Variants in MDH1 observed in about 807,000 individuals in gnomAD.
MDH1 encodes the protein malate dehydrogenase, cytoplasmic.
A neutral mutation model predicts 38.7 loss-of-function variants in MDH1; 15 were observed. The ratio of observed to expected loss-of-function variants is 0.39; its 90% confidence interval spans 0.26 to 0.60. The LOEUF (loss-of-function observed/expected upper bound fraction) is 0.60, where lower values mean the gene tolerates loss of function less well. MDH1 is among the 20% of genes least tolerant of loss of function. The pLI, the probability that MDH1 is intolerant of heterozygous loss-of-function variation, is 0.56. For missense variants in MDH1, 368 were observed against 405.2 expected, an observed-to-expected ratio of 0.91 and a Z score of 0.79; for synonymous variants, 144 against 143.6, an observed-to-expected ratio of 1.00 and a Z score of -0.02.
At chr2:63,604,567 T>C in intron 5 of MDH1, 129 bp from the exon 6 acceptor site, 1 of 731,322 alleles carries the variant, frequency 1.4e-6, no homozygotes, top group Admixed American at 3.0e-5. Context: ...TACAAGTCAA[T>C]ATAACTCTTG....
intron 1 of MDH1, among the ~76,000 whole-genome samples, chr2:63,591,207 A>T (rs2106595733): frequency 6.6e-6 from 1 of 152,374 alleles, no homozygotes; most frequent in Non-Finnish European, 1.5e-5. Flanking sequence ...AGCAAAGAAT[A>T]GTAACCTATG....
intron 1 of MDH1, chr2:63,593,386 C>T: frequency 2.7e-6 from 1 of 364,786 alleles, no homozygotes. Context: ...GAGCCACCAT[C>T]CCTGGCCTGA....
chr2:63,604,261 C>T (rs1709485151), intron 5 of MDH1, among the ~76,000 whole-genome samples: 1 of 151,732 alleles, frequency 6.6e-6, no homozygotes, highest in Non-Finnish European at 1.5e-5. Flanking sequence ...AAAAATTTTA[C>T]CTAAATATAA....
At chr2:63,594,663 C>A in intron 2 of MDH1, 77 bp downstream of exon 2, 1 of 1,037,478 alleles carries the variant, frequency 9.6e-7, no homozygotes, top group Non-Finnish European at 1.5e-6. Flanking sequence ...TAGTTGTACA[C>A]AAATTGTTAA....
intron 1 of MDH1, among the ~76,000 whole-genome samples, chr2:63,591,480 CTG>C (rs1300649197): frequency 6.6e-6 from 1 of 152,200 alleles, no homozygotes; most frequent in African/African-American, 2.4e-5. Flanking sequence ...TCACTAAGGA[CTG>C]TGATACTGTG....
At chr2:63,604,060 T>TA (rs1428975079) in intron 5 of MDH1, among the ~76,000 whole-genome samples, 1 of 152,156 alleles carries the variant, frequency 6.6e-6, no homozygotes, top group African/African-American at 2.4e-5. Flanking sequence ...TAGAGATTGT[T>TA]ACATATGTTA....
Position 63,588,986 on chromosome 2 carries a change from A to T in MDH1, c.-58A>T. On this transcript the variant is annotated 5_prime_UTR_variant, in exon 1 of 9. Transcript: ENST00000233114. ...CCGAGTCAGTTCCGCGGTAGAGGTG[A>T]CCTGACTCTCTGAGGCTCATTTTGC... 1 of 1,613,866 alleles carries T rather than the reference A, an allele frequency of 6.2e-7. No homozygotes were observed. Among genetic ancestry groups the T allele is most frequent in the Non-Finnish European group, 8.5e-7 (1 of 1,179,758 alleles).
At chr2:63,606,455 C>G (rs764551420) in intron 8 of MDH1, among the ~76,000 whole-genome samples, 16 of 152,146 alleles carry the variant, frequency 1.1e-4, no homozygotes, top group Non-Finnish European at 1.9e-4. Flanking sequence ...AGCTTTAAAA[C>G]TATATGTATT....
chr2:63,589,126 G>A (rs1172637029), intron 1 of MDH1, 80 bp downstream of exon 1: 2 of 1,614,018 alleles, frequency 1.2e-6, no homozygotes, highest in Non-Finnish European at 1.7e-6. Flanking sequence ...AGGGACTTTT[G>A]GGAGGCAGCT....
At chr2:63,594,763 C>G in intron 2 of MDH1, 177 bp downstream of exon 2, 2 of 526,108 alleles carry the variant, frequency 3.8e-6, no homozygotes, top group Middle Eastern at 1.0e-3. Flanking sequence ...CGCCTCCAGG[C>G]ACTGAAAACA....
intron 1 of MDH1, chr2:63,590,200 C>G (rs1709156657): frequency 6.6e-6 from 1 of 152,214 alleles, no homozygotes; most frequent in Non-Finnish European, 1.5e-5. Context: ...TACTTATTAT[C>G]TGATAACCTT....
intron 5 of MDH1, among the ~76,000 whole-genome samples, chr2:63,600,316 A>T (rs1709394605): frequency 6.6e-6 from 1 of 152,192 alleles, no homozygotes; most frequent in Non-Finnish European, 1.5e-5. Context: ...ATCTCATATT[A>T]TCCCTGCATT....
intron 5 of MDH1, 25 bp from the exon 6 acceptor site, chr2:63,604,671 A>G: frequency 1.3e-6 from 2 of 1,583,326 alleles, no homozygotes; most frequent in Non-Finnish European, 1.7e-6. Context: ...TGTCTCAGTA[A>G]TGTATTTGTT....
rs1709500567 is a variant in MDH1 at position 63,605,011 on chromosome 2, T to A, written c.675+139T>A. 7.4e-6 allele frequency: 6 copies of A among 812,436 alleles called. No individual in the cohort carries two copies. In the South Asian group the frequency reaches 9.0e-5, roughly 12 times the overall value. The allele number at this position is 812,436 out of a possible 1,614,324, so 50.3% of individuals were successfully genotyped here. ...TACTTTCGGGATCATAGTAAGCCAG[T>A]CATGATCTAGTGTGATCTGATGTGA... is the stretch of plus-strand genomic sequence containing the variant. On this transcript the variant is annotated intron_variant, in intron 6 of 8. Transcript: ENST00000233114.
At chr2:63,589,782 G>A (rs1709128355) in intron 1 of MDH1, among the ~76,000 whole-genome samples, 1 of 152,200 alleles carries the variant, frequency 6.6e-6, no homozygotes, top group South Asian at 2.1e-4. Flanking sequence ...TGCTGAAAGA[G>A]AGGGGGAGGG....
At chr2:63,601,052 G>A (rs986430660) in intron 5 of MDH1, among the ~76,000 whole-genome samples, 1 of 152,148 alleles carries the variant, frequency 6.6e-6, no homozygotes, top group Non-Finnish European at 1.5e-5. Flanking sequence ...TCACTGCAGG[G>A]CTCAAGTCTG....
rs1470915016 is a variant in MDH1 at position 63,605,565 on chromosome 2, T to C, written c.789+172T>C. On this transcript the variant is annotated intron_variant, in intron 7 of 8. Coordinates refer to ENST00000233114, the MANE Select transcript of MDH1 (RefSeq NM_005917.4). ...GTTAGCCTTGACCTTTCTGAGCTGT[T>C]TTGTCATCTTTTACATGACATTACT... Among the ~76,000 whole-genome samples, 10 of 152,272 alleles carry C rather than the reference T, an allele frequency of 6.6e-5. No homozygotes were observed. In the East Asian group the frequency reaches 1.2e-3, roughly 18 times the overall value.
At chr2:63,605,825 C>T in intron 7 of MDH1, 114 bp from the exon 8 acceptor site, 1 of 847,554 alleles carries the variant, frequency 1.2e-6, no homozygotes, top group Middle Eastern at 2.2e-4. Flanking sequence ...GTTCCTTACA[C>T]AGTAATGATG....
At chr2:63,594,787 A>AACTG in intron 2 of MDH1, 2 of 485,252 alleles carry the variant, frequency 4.1e-6, no homozygotes, top group Non-Finnish European at 7.4e-6. Flanking sequence ...TGCAAATGAG[A>AACTG]ACTCTTCCAT....
Sources: gnomAD v4.1 joint callset for allele counts (sites outside exome capture counted in the v4.1 genomes callset) on GRCh38, gnomAD v4.1.1 for gene constraint, MANE v1.5 for transcripts, NCBI Gene and HGNC (gene_info 2026-07-23, HGNC 2026-07-21) for gene names.